The following APC variants were observed in gnomAD, a reference collection of about 807,000 sequenced individuals.
APC encodes adenomatous polyposis coli protein.
APC carries 72 observed loss-of-function variants against 247.0 expected under a neutral mutation model. The ratio of observed to expected loss-of-function variants is 0.29; its 90% confidence interval spans 0.24 to 0.35. The LOEUF (loss-of-function observed/expected upper bound fraction) is 0.35, where lower values mean the gene tolerates loss of function less well. Among genes scored for constraint, APC ranks in the 10% least tolerant of loss-of-function variants. APC has a pLI of 1.00. For synonymous variants in APC, 1,254 were observed against 1,162.5 expected (o/e 1.08, Z -1.60); for missense variants, 3,400 against 3,360.7 (o/e 1.01, Z -0.29).
At chr5:112,709,693 G>T (rs1273762780) in intron 1 of APC, among the ~76,000 whole-genome samples, 1 of 152,156 alleles carries the variant, frequency 6.6e-6, no homozygotes, top group Non-Finnish European at 1.5e-5. Context: ...CATGAGTCCA[G>T]GAGTTCGAGA....
chr5:112,750,026 G>T (rs1415111826), intron 1 of APC, among the ~76,000 whole-genome samples: 15 of 143,462 alleles, frequency 1.0e-4, no homozygotes, highest in African/African-American at 3.9e-4. Context: ...GCAGTGGCGC[G>T]ATCTCGGCTC....
intron 7 of APC, among the ~76,000 whole-genome samples, chr5:112,797,314 G>T (rs886792467): frequency 1.3e-5 from 2 of 152,170 alleles, no homozygotes; most frequent in African/African-American, 4.8e-5. Flanking sequence ...TTCTTCTAAT[G>T]TAAGTTAGAG....
intron 7 of APC, among the ~76,000 whole-genome samples, chr5:112,795,282 TC>T (rs1760092785): frequency 6.6e-6 from 1 of 152,186 alleles, no homozygotes; most frequent in African/African-American, 2.4e-5. Flanking sequence ...CGCCTCGGCC[TC>T]CCAAAGTGTT....
chr5:112,740,028 A>G (rs979234494), intron 1 of APC, among the ~76,000 whole-genome samples: 9 of 152,162 alleles, frequency 5.9e-5, no homozygotes, highest in Non-Finnish European at 1.2e-4. Flanking sequence ...CTATAAAACT[A>G]TAATGCCTTT....
At chr5:112,740,524 C>CTTTTTTT (rs11286305) in intron 1 of APC, among the ~76,000 whole-genome samples, 12 of 99,136 alleles carry the variant, frequency 1.2e-4, no homozygotes, top group East Asian at 3.2e-4. Flanking sequence ...GTTTTTTTTT[C>CTTTTTTT]TTTTTTTTTT....
rs539108537 is a variant in APC at position 112,754,985 on chromosome 5, A to T, written c.95A>T (p.Asn32Ile). Residue 32 changes from asparagine (N) to isoleucine (I), a missense_variant, in exon 2 of 16, where the codon AAT becomes ATT. Physicochemically the swap from Asn to Ile is moderately radical, Grantham distance 149 (BLOSUM62 -3). This residue lies in a region of APC where 372 missense variants were observed against 367.6 expected (regional missense o/e 1.01). Coordinates refer to ENST00000257430, the MANE Select transcript of APC (RefSeq NM_000038.6). ...CGACAAGAGCTAGAAGATAATTCCA[A>T]TCATCTTACAAAACTGGAAACTGAG... ...NLRQELEDNS[N>I]HLTKLETEAS... The T allele has an allele frequency of 6.2e-7, 1 of 1,613,816 alleles. No individual in the cohort carries two copies.
intron 1 of APC, among the ~76,000 whole-genome samples, chr5:112,714,784 C>T (rs1298109349): frequency 2.0e-5 from 3 of 152,168 alleles, no homozygotes; most frequent in Admixed American, 1.3e-4. Context: ...CTATATATCA[C>T]ACTCTATGGG....
At position 112,844,408 on chromosome 5, in the gene APC, T is replaced by A. The variant is rs919435965; in HGVS notation, c.*282T>A. ...AAGTAGCATCCCATCCCAACTTCCT[T>A]TAATTATTGCTTGTCTTAAAATAAT... On this transcript the variant is annotated 3_prime_UTR_variant, in exon 16 of 16. Coordinates refer to ENST00000257430, the MANE Select transcript of APC (RefSeq NM_000038.6). 1 of 371,402 alleles carries A rather than the reference T, an allele frequency of 2.7e-6. No individual in the cohort carries two copies. The highest frequency in any genetic ancestry group is 4.8e-6 in the Non-Finnish European group (1 of 206,878). The allele number at this position is 371,402 out of a possible 1,614,324, so 23.0% of individuals were successfully genotyped here.
At chr5:112,708,716 G>A (rs950975556) in intron 1 of APC, among the ~76,000 whole-genome samples, 3 of 152,172 alleles carry the variant, frequency 2.0e-5, no homozygotes, top group African/African-American at 7.2e-5. Flanking sequence ...ATTTAGAAAG[G>A]ACTAAAATGG....
chr5:112,733,979 C>T (rs1752232031), upstream of APC, among the ~76,000 whole-genome samples: 1 of 152,206 alleles, frequency 6.6e-6, no homozygotes, highest in South Asian at 2.1e-4. Context: ...TTTTGAGACT[C>T]ACTCCTTGAG....
chr5:112,826,803 T>G (rs1262556632), intron 11 of APC, among the ~76,000 whole-genome samples: 1 of 152,172 alleles, frequency 6.6e-6, no homozygotes, highest in Admixed American at 6.5e-5. Flanking sequence ...GAAAATAGCC[T>G]TCTTCACTGT....
chr5:112,835,301 A>G (rs1028332178), intron 15 of APC, 136 bp downstream of exon 15: 1 of 793,376 alleles, frequency 1.3e-6, no homozygotes, highest in Admixed American at 2.2e-5. Flanking sequence ...GATAACTACT[A>G]ACTCTTAGTT....
At chr5:112,816,949 A>C (rs987875990) in intron 9 of APC, among the ~76,000 whole-genome samples, 1 of 150,324 alleles carries the variant, frequency 6.7e-6, no homozygotes, top group Non-Finnish European at 1.5e-5. Context: ...GCTCACTGCA[A>C]CCCCCACCTC....
chr5:112,783,813 A>C (rs1392966803), intron 6 of APC: 2 of 386,096 alleles, frequency 5.2e-6, no homozygotes, highest in Admixed American at 7.4e-5. Flanking sequence ...AAGAAAAGAA[A>C]GAAAACAGAT....
chr5:112,736,337 C>T (rs1752382379), upstream of APC, among the ~76,000 whole-genome samples: 1 of 152,002 alleles, frequency 6.6e-6, no homozygotes, highest in Non-Finnish European at 1.5e-5. Flanking sequence ...GGAAATAACT[C>T]ACTTGTTAAA....
rs181111029 is a variant in APC, at chr5:112,731,996, A to G, written c.165+24114A>G. ...AGGCTGGTCTCAAACTCCTGGCCTC[A>G]AGTGATCTGCCCACCTTGGCCTCCC... On this transcript the variant is annotated intron_variant, in intron 1 of 13. Transcript: ENST00000507379. Among the ~76,000 whole-genome samples, 80 of 152,310 alleles carry G rather than the reference A, an allele frequency of 5.3e-4. No homozygotes were observed. The Middle Eastern group carries it at 0.01, about 19-fold the overall frequency.
Position 112,840,812 on chromosome 5 carries a change from C to A in APC, c.5218C>A (p.Pro1740Thr), listed in dbSNP as rs1332889016. 1 of 1,614,098 alleles carries A rather than the reference C, an allele frequency of 6.2e-7. No homozygotes were observed. ...TATGCCCAAAGGGAAAAGTCACAAG[C>A]CTTTCCGTGTGAAAAAGATAATGGA... is the stretch of plus-strand genomic sequence containing the variant. The part of the protein sequence containing the change: ...SAMPKGKSHK[P>T]FRVKKIMDQV... Residue 1740 changes from proline (P) to threonine (T), a missense_variant, in exon 16 of 16, where the codon CCT (proline) becomes ACT (threonine). Physicochemically the swap from Pro to Thr is conservative, Grantham distance 38. Around this residue, in one of 9 missense-constraint regions of APC, gnomAD observed 1,788 missense variants for 1,649.5 expected, o/e 1.08. Coordinates refer to ENST00000257430, the MANE Select transcript of APC (RefSeq NM_000038.6). The surrounding 1 kb of genome is among the most constrained non-coding windows in gnomAD (Gnocchi z 4.1).
chr5:112,800,114 C>G (rs1012666161), intron 7 of APC, among the ~76,000 whole-genome samples: 5 of 152,212 alleles, frequency 3.3e-5, no homozygotes, highest in African/African-American at 4.8e-5. Context: ...GAGCATAGAA[C>G]AATGTCTAGT....
rs1403157225 is a variant in APC at position 112,820,124 on chromosome 5, C to T, written c.1312+780C>T. ...ATATAACTTATTTCATTCCTGTAGC[C>T]AAGAACCAAAAGCAGTAAGTATGTA... On this transcript the variant is annotated intron_variant, in intron 10 of 15. Coordinates refer to ENST00000257430, the MANE Select transcript of APC (RefSeq NM_000038.6). Among the ~76,000 whole-genome samples the T allele has an allele frequency of 2.0e-5, 3 of 151,680 alleles. No homozygotes were observed. The East Asian group carries it at 5.8e-4, about 29-fold the overall frequency.
Sources: allele counts gnomAD v4.1 joint callset (sites outside exome capture counted in the v4.1 genomes callset), GRCh38; gene constraint gnomAD v4.1.1; regional missense constraint gnomAD v4.1.1; non-coding constraint Gnocchi (gnomAD v3.1); transcripts MANE v1.5; gene names NCBI Gene and HGNC (gene_info 2026-07-23, HGNC 2026-07-21).